NPAS3: variants seen among roughly 807,000 people sequenced by gnomAD.
NPAS3 encodes neuronal PAS domain protein 3.
In NPAS3, 14 loss-of-function variants were observed where a neutral mutation model predicts 73.1. The ratio of observed to expected loss-of-function variants is 0.19; its 90% CI spans 0.13 to 0.30. The LOEUF is 0.30. NPAS3 is among the 10% of genes least tolerant of loss of function. The pLI is 1.00. For synonymous variants in NPAS3, 620 were observed against 541.5 expected (o/e 1.14, Z -2.01); for missense variants, 1,096 against 1,250.0 (o/e 0.88, Z 1.86).
intron 1 of NPAS3, among the ~76,000 whole-genome samples, chr14:33,044,679 G>A (rs2040447227): frequency 6.6e-6 from 1 of 151,328 alleles, no homozygotes; most frequent in Non-Finnish European, 1.5e-5. Context: ...GGCGGGGAGG[G>A]CAGAAGAGTA....
intron 4 of NPAS3, among the ~76,000 whole-genome samples, chr14:33,504,266 A>G (rs562903021): frequency 3.8e-4 from 58 of 152,098 alleles, no homozygotes; most frequent in Non-Finnish European, 7.4e-4. Flanking sequence ...GCTGACTTAC[A>G]TTGCCAGGCC....
intron 9 of NPAS3, among the ~76,000 whole-genome samples, chr14:33,791,842 A>G (rs1367027500): frequency 1.3e-5 from 2 of 152,182 alleles, no homozygotes; most frequent in African/African-American, 2.4e-5. Context: ...TGTATTCTTC[A>G]TGTGATTCTA....
At chr14:33,718,843 C>T (rs886338295) in intron 6 of NPAS3, among the ~76,000 whole-genome samples, 2 of 152,054 alleles carry the variant, frequency 1.3e-5, no homozygotes, top group African/African-American at 4.8e-5. Context: ...TGTAAAGCTG[C>T]GGCCAGGTAC....
At chr14:33,793,695 C>A (rs542800914) in intron 9 of NPAS3, among the ~76,000 whole-genome samples, 2 of 152,306 alleles carry the variant, frequency 1.3e-5, no homozygotes, top group African/African-American at 2.4e-5. Context: ...TGCCAGTAAC[C>A]CTGGCTCCAG....
chr14:33,540,604 C>A (rs957713726), intron 4 of NPAS3, among the ~76,000 whole-genome samples: 1 of 151,986 alleles, frequency 6.6e-6, no homozygotes, highest in Admixed American at 6.6e-5. Context: ...TTTTTATTTT[C>A]TGGGTAAACT....
At chr14:33,535,296 T>A (rs2054213584) in intron 4 of NPAS3, among the ~76,000 whole-genome samples, 1 of 152,206 alleles carries the variant, frequency 6.6e-6, no homozygotes, top group African/African-American at 2.4e-5. Flanking sequence ...ACTTTCTAAA[T>A]AGGCGCAAAA....
intron 4 of NPAS3, among the ~76,000 whole-genome samples, chr14:33,514,389 A>G (rs1354873083): frequency 1.3e-5 from 2 of 152,036 alleles, no homozygotes; most frequent in African/African-American, 4.8e-5. Flanking sequence ...AGTCACAGAT[A>G]AGGGCCATCC....
At chr14:32,993,305 T>G (rs1163302468) in intron 1 of NPAS3, among the ~76,000 whole-genome samples, 1 of 152,082 alleles carries the variant, frequency 6.6e-6, no homozygotes, top group African/African-American at 2.4e-5. Context: ...CTGACCACTT[T>G]TAGAGGTTTG....
intron 1 of NPAS3, among the ~76,000 whole-genome samples, chr14:32,999,233 C>T (rs757355041): frequency 4.6e-5 from 7 of 152,018 alleles, no homozygotes; most frequent in Non-Finnish European, 8.8e-5. Context: ...ATATTCCGGC[C>T]GGGTGCGGTG....
At chr14:33,635,485 G>C (rs2058488944) in intron 5 of NPAS3, among the ~76,000 whole-genome samples, 1 of 152,220 alleles carries the variant, frequency 6.6e-6, no homozygotes, top group Non-Finnish European at 1.5e-5. Context: ...CCTTGGGTTT[G>C]TTTATGGATT....
intron 7 of NPAS3, among the ~76,000 whole-genome samples, chr14:33,763,348 A>G (rs1018943570): frequency 5.3e-5 from 8 of 152,250 alleles, no homozygotes; most frequent in African/African-American, 9.6e-5. Context: ...TTCAGAGGGT[A>G]GCTTAAGAAA....
intron 3 of NPAS3, among the ~76,000 whole-genome samples, chr14:33,257,221 C>T (rs1013315171): frequency 5.3e-5 from 8 of 152,300 alleles, no homozygotes; most frequent in African/African-American, 1.9e-4. Context: ...ATGCCATTGG[C>T]TTCCTGCTTG....
chr14:33,677,966 C>CTCTT (rs2059816443), intron 6 of NPAS3, among the ~76,000 whole-genome samples: 1 of 152,150 alleles, frequency 6.6e-6, no homozygotes, highest in South Asian at 2.1e-4. Context: ...CGGTTTTCTA[C>CTCTT]TCTTTCATCC....
intron 3 of NPAS3, among the ~76,000 whole-genome samples, chr14:33,227,806 A>C (rs1441822188): frequency 6.6e-6 from 1 of 152,222 alleles, no homozygotes; most frequent in African/African-American, 2.4e-5. Context: ...GGTACAGTTC[A>C]TGTATCCCAG....
intron 3 of NPAS3, among the ~76,000 whole-genome samples, chr14:33,220,909 G>A (rs1014012325): frequency 6.6e-6 from 1 of 152,196 alleles, no homozygotes; most frequent in African/African-American, 2.4e-5. Flanking sequence ...ATTTTTGAGA[G>A]TGATGGCTGA....
intron 1 of NPAS3, among the ~76,000 whole-genome samples, chr14:33,042,767 C>CGGTA (rs2040386341): frequency 6.6e-6 from 1 of 152,126 alleles, no homozygotes; most frequent in African/African-American, 2.4e-5. Flanking sequence ...TACAATTCAA[C>CGGTA]GGTAATTCAG....
chr14:33,522,970 C>T (rs2053622822), intron 4 of NPAS3, among the ~76,000 whole-genome samples: 1 of 152,032 alleles, frequency 6.6e-6, no homozygotes, highest in African/African-American at 2.4e-5. Flanking sequence ...TGATGTCTGT[C>T]TTAACTTTGT....
chr14:33,385,913 A>G (rs746850210), intron 4 of NPAS3, among the ~76,000 whole-genome samples: 4 of 152,196 alleles, frequency 2.6e-5, no homozygotes, highest in Non-Finnish European at 5.9e-5. Context: ...TATGAAAGCT[A>G]ATTTTCAGAA....
chr14:33,431,194 G>A (rs1407853380), intron 4 of NPAS3, among the ~76,000 whole-genome samples: 1 of 152,130 alleles, frequency 6.6e-6, no homozygotes, highest in South Asian at 2.1e-4. Context: ...ACATCAACAT[G>A]ATTTTTGATT....
Sources: gnomAD v4.1 joint callset for allele counts (sites outside exome capture counted in the v4.1 genomes callset) on GRCh38, gnomAD v4.1.1 for gene constraint, MANE v1.5 for transcripts, NCBI Gene and HGNC (gene_info 2026-07-23, HGNC 2026-07-21) for gene names.